The following SPC25 variants were observed in gnomAD, a reference collection of about 807,000 sequenced individuals.
The protein encoded by SPC25 is SPC25 component of NDC80 kinetochore complex, also known as kinetochore protein Spc25.
A neutral mutation model predicts 29.6 loss-of-function variants in SPC25; 22 were observed. The observed-to-expected ratio is 0.74, with a 90% CI of 0.53 to 1.06. The LOEUF is 1.06. Ranked by LOEUF, SPC25 falls within the 50% of genes least tolerant of loss-of-function variation. SPC25 has a pLI of 0.00. For missense variants in SPC25, 230 were observed against 255.8 expected (o/e 0.90, Z 0.69); for synonymous variants, 91 against 90.4 (o/e 1.01, Z -0.04).
intron 3 of SPC25, among the ~76,000 whole-genome samples, chr2:168,882,569 T>C (rs1270589620): frequency 6.6e-6 from 1 of 152,120 alleles, no homozygotes; most frequent in East Asian, 1.9e-4. Context: ...GCCACTGCAC[T>C]CCAGCCTGGT....
Position 168,889,534 on chromosome 2 carries a change from C to G in SPC25, c.-14-1G>C. On this transcript the variant is annotated splice_acceptor_variant, in intron 1 of 6. Coordinates refer to ENST00000282074, the MANE Select transcript of SPC25 (RefSeq NM_020675.4). LOFTEE classifies it low-confidence loss of function (5UTR_SPLICE). ...TCCTCTACCATTATGTAGGACAATG[C>G]TAAAAACAGAATACATATTGCATTT... The G allele has an allele frequency of 6.2e-7, 1 of 1,609,822 alleles. No homozygotes were observed. The highest frequency in any genetic ancestry group is 8.5e-7 in the Non-Finnish European group (1 of 1,178,154).
At chr2:168,862,531 C>T (rs1056851122) in intron 4 of SPC25, among the ~76,000 whole-genome samples, 1 of 131,862 alleles carries the variant, frequency 7.6e-6, no homozygotes. Context: ...GTGACCTCCT[C>T]TCTCAACTTA....
chr2:168,873,772 A>G, intron 5 of SPC25, 89 bp from the exon 6 acceptor site: 1 of 789,486 alleles, frequency 1.3e-6, no homozygotes, highest in East Asian at 2.5e-5. Context: ...CTGCACTGCT[A>G]AGTATATACA....
chr2:168,873,014 A>C (rs1690021159), intron 6 of SPC25, among the ~76,000 whole-genome samples: 1 of 152,132 alleles, frequency 6.6e-6, no homozygotes, highest in Admixed American at 6.5e-5. Flanking sequence ...CAAGAGATAA[A>C]TATATTTCTA....
chr2:168,866,784 A>AAAAAC (rs1553537699), downstream of SPC25, among the ~76,000 whole-genome samples: 1 of 149,254 alleles, frequency 6.7e-6, no homozygotes, highest in Non-Finnish European at 1.5e-5. Flanking sequence ...TTACAAGAAA[A>AAAAAC]AAACAACCAC....
chr2:168,871,624 A>T, intron 6 of SPC25, 69 bp from the exon 7 acceptor site: 13 of 1,384,382 alleles, frequency 9.4e-6, no homozygotes, highest in Non-Finnish European at 1.3e-5. Flanking sequence ...AAGTATTTCT[A>T]ATCTAGATGC....
At position 168,889,034 on chromosome 2, in the gene SPC25, CATATATATATACACATATATATACATAT is replaced by C. The variant is rs1345830677; in HGVS notation, c.199+164_199+191del. Among the ~76,000 whole-genome samples the C allele has an allele frequency of 5.5e-4, 12 of 21,652 alleles. 1 individual carries two copies. The highest frequency in any genetic ancestry group is 1.4e-3 in the African/African-American group (12 of 8,858). The allele number at this position is 21,652 out of a possible 152,430, so 14.2% of individuals were successfully genotyped here. ...ATGTATATATATACACATATATATA[CATATATATATACACATATATATACATAT>C]ATATATACACATATATATACATATA... On this transcript the variant is annotated intron_variant, in intron 3 of 6. Coordinates refer to ENST00000282074, the MANE Select transcript of SPC25 (RefSeq NM_020675.4).
At chr2:168,885,040 A>T (rs1376002758) in intron 3 of SPC25, 2 of 152,184 alleles carry the variant, frequency 1.3e-5, no homozygotes, top group Non-Finnish European at 2.9e-5. Flanking sequence ...AGCAAAGACC[A>T]CTTTTCTGGC....
In SPC25 at chr2:168,871,557, TAG is replaced by T; in HGVS notation, c.551-4_551-3del. 7.0e-7 allele frequency: 1 copy of T among 1,433,490 alleles called. No individual in the cohort carries two copies. The highest frequency in any genetic ancestry group is 2.9e-5 in the Admixed American group (1 of 34,050). The allele number at this position is 1,433,490 out of a possible 1,614,324, so 88.8% of individuals were successfully genotyped here. On this transcript the variant is annotated splice_polypyrimidine_tract_variant and splice_region_variant and intron_variant, in intron 6 of 6. Transcript: ENST00000282074. ...CAAGATGAGGGGCACTATCTGACAC[TAG>T]AAAAAAAAAAAAAAGAAATCAAAGA...
At chr2:168,864,610 A>ATGAT (rs1267499649) in intron 4 of SPC25, among the ~76,000 whole-genome samples, 5 of 152,178 alleles carry the variant, frequency 3.3e-5, no homozygotes, top group African/African-American at 4.8e-5. Context: ...CAATTATTTT[A>ATGAT]TGATATATCT....
At chr2:168,887,143 G>A (rs927109309) in intron 3 of SPC25, among the ~76,000 whole-genome samples, 6 of 152,064 alleles carry the variant, frequency 3.9e-5, no homozygotes, top group African/African-American at 9.7e-5. Flanking sequence ...TGGGTAGGCC[G>A]GTTGCAGTGG....
At chr2:168,873,278 A>T (rs964683697) in intron 6 of SPC25, among the ~76,000 whole-genome samples, 1 of 152,202 alleles carries the variant, frequency 6.6e-6, no homozygotes, top group Non-Finnish European at 1.5e-5. Context: ...TTCACCTTTT[A>T]AAAAAGTTAT....
intron 1 of SPC25, among the ~76,000 whole-genome samples, 193 bp downstream of exon 1, chr2:168,890,125 A>G (rs1690367702): frequency 6.6e-6 from 1 of 152,108 alleles, no homozygotes; most frequent in South Asian, 2.1e-4. Context: ...AGGACCAAAG[A>G]TACCTCCTGC....
Position 168,864,686 on chromosome 2 carries a change from C to T in SPC25, n.419+8899G>A, listed in dbSNP as rs575888257. Reference sequence around the variant, plus strand: ...TATGCCTGCTTTATACACAGGTGTTCGATACATTTGGCTTCATCTGAATCA... The same window carrying T: ...TATGCCTGCTTTATACACAGGTGTTTGATACATTTGGCTTCATCTGAATCA... On this transcript the variant is annotated intron_variant and non_coding_transcript_variant, in intron 4 of 4. Transcript: ENST00000479309. 162 of 760,048 alleles carry T rather than the reference C, an allele frequency of 2.1e-4. No individual in the cohort carries two copies. In the African/African-American group the frequency reaches 2.5e-3, roughly 12 times the overall value. The allele number at this position is 760,048 out of a possible 1,614,324, so 47.1% of individuals were successfully genotyped here.
chr2:168,890,385 C>G lies in SPC25; in HGVS notation c.-82G>C. 4.1e-6 allele frequency: 4 copies of G among 985,532 alleles called. No homozygotes were observed. Among genetic ancestry groups the G allele is most frequent in the Non-Finnish European group, 4.8e-6 (4 of 829,990 alleles). 61.0% of individuals were successfully genotyped at this position (985,532 alleles called of 1,614,324 possible). A position where few individuals can be genotyped will look rare whatever the true frequency, so the allele number is the denominator to read the frequency against. ...ATCCGCGCCCACTCTAGCCAACAGC[C>G]GGACTCTAGGCTCAGCTCCCGCAGC... On this transcript the variant is annotated 5_prime_UTR_variant, in exon 1 of 7. Transcript: ENST00000282074.
At chr2:168,864,351 AT>A (rs757656049) in intron 4 of SPC25, among the ~76,000 whole-genome samples, 1 of 146,976 alleles carries the variant, frequency 6.8e-6, no homozygotes, top group Non-Finnish European at 1.5e-5. Context: ...CAGTGGCATG[AT>A]CTCAGCTCAC....
intron 5 of SPC25, 58 bp downstream of exon 5, chr2:168,876,014 C>G: frequency 2.0e-6 from 2 of 996,064 alleles, no homozygotes; most frequent in Non-Finnish European, 2.7e-6. Context: ...TTTTCCTCTA[C>G]TTAAGAAAAG....
intron 3 of SPC25, among the ~76,000 whole-genome samples, chr2:168,886,803 A>G (rs545391712): frequency 2.2e-4 from 34 of 152,124 alleles, no homozygotes; most frequent in South Asian, 4.1e-4. Flanking sequence ...ACAGGCGTGA[A>G]CCACCCCGCC....
downstream of SPC25, chr2:168,870,770 T>C (rs1689964108): frequency 6.6e-6 from 1 of 151,540 alleles, no homozygotes; most frequent in Non-Finnish European, 1.5e-5. Flanking sequence ...GACTGTAAAC[T>C]AGTTCAACCA....
Sources: allele counts gnomAD v4.1 joint callset (sites outside exome capture counted in the v4.1 genomes callset), GRCh38; gene constraint gnomAD v4.1.1; transcripts MANE v1.5; gene names NCBI Gene and HGNC (gene_info 2026-07-23, HGNC 2026-07-21).